SRRM3: variants seen among roughly 807,000 people sequenced by gnomAD.
The protein encoded by SRRM3 is serine/arginine repetitive matrix protein 3.
SRRM3 carries 27 observed loss-of-function variants against 66.2 expected under a neutral mutation model. The observed-to-expected ratio is 0.41, with a 90% CI of 0.30 to 0.56. The LOEUF (loss-of-function observed/expected upper bound fraction) is 0.56. SRRM3 is among the 20% of genes least tolerant of loss of function. The pLI is 0.32. For missense variants in SRRM3, 918 were observed against 991.9 expected (o/e 0.93, Z 1.00); for synonymous variants, 391 against 414.9 (o/e 0.94, Z 0.70).
intron 1 of SRRM3, among the ~76,000 whole-genome samples, chr7:76,206,562 G>A (rs1800306091): frequency 6.6e-6 from 1 of 152,168 alleles, no homozygotes. Context: ...GCGCAGGAGG[G>A]CGACATCTCC....
chr7:76,238,756 G>T (rs1186960609), intron 2 of SRRM3, among the ~76,000 whole-genome samples: 1 of 152,200 alleles, frequency 6.6e-6, no homozygotes, highest in Non-Finnish European at 1.5e-5. Flanking sequence ...TGCCTCCTGG[G>T]TTCAAGTGAT....
At position 76,285,306 on chromosome 7, in the gene SRRM3, C is replaced by A; in HGVS notation, c.1734-309C>A. On this transcript the variant is annotated intron_variant, in intron 14 of 14. Coordinates refer to ENST00000611745, the MANE Select transcript of SRRM3 (RefSeq NM_001110199.3). The surrounding 1 kb of genome is among the most constrained non-coding windows in gnomAD (Gnocchi z 4.1). ...CTCAAACTTCTGACCTCAAGTGATC[C>A]GCCCGCCTCAGCCTCCCAAAGTGCT... The A allele has an allele frequency of 2.9e-6, 1 of 349,938 alleles. No homozygotes were observed. The allele number at this position is 349,938 out of a possible 1,614,324, so 21.7% of individuals were successfully genotyped here.
At chr7:76,262,285 C>T (rs969935425) in intron 8 of SRRM3, among the ~76,000 whole-genome samples, 2 of 152,016 alleles carry the variant, frequency 1.3e-5, no homozygotes, top group Non-Finnish European at 2.9e-5. Context: ...GCAGGTGGAT[C>T]GCTTGAGGCC....
intron 10 of SRRM3, among the ~76,000 whole-genome samples, chr7:76,266,832 C>G (rs1362607292): frequency 6.6e-6 from 1 of 150,920 alleles, no homozygotes; most frequent in Non-Finnish European, 1.5e-5. Flanking sequence ...ACCACCATGC[C>G]CGACTAATTT....
chr7:76,221,359 C>CTTTTTTTTTT (rs781915041), intron 1 of SRRM3, among the ~76,000 whole-genome samples: 1,112 of 95,310 alleles, frequency 0.012, 180 homozygotes, highest in East Asian at 0.045. Context: ...CTGCCCTCCT[C>CTTTTTTTTTT]TTTTTTTTTT....
chr7:76,229,291 A>T (rs1036129288), intron 1 of SRRM3, among the ~76,000 whole-genome samples: 1 of 152,196 alleles, frequency 6.6e-6, no homozygotes, highest in Admixed American at 6.6e-5. Context: ...CAGATAAACA[A>T]CGGATAATTT....
At chr7:76,277,451 T>C (rs996601083) in intron 11 of SRRM3, among the ~76,000 whole-genome samples, 4 of 151,948 alleles carry the variant, frequency 2.6e-5, no homozygotes, top group Admixed American at 2.0e-4. Flanking sequence ...TCCAGCACTT[T>C]AGGAGGCCAA....
In SRRM3 at chr7:76,260,017, C is replaced by T. The variant is rs1210991329; in HGVS notation, c.447C>T (p.Arg149=). ...VDCDCPASCY[R]GHRGYRTKHW... Reference sequence around the variant, plus strand: ...GTGACTGCCCGGCCTCCTGCTACCGCGGCCACCGCGGGTACAGGTCAGCGG... The same window carrying T: ...GTGACTGCCCGGCCTCCTGCTACCGTGGCCACCGCGGGTACAGGTCAGCGG... Residue 149 remains arginine (R), a synonymous_variant, in exon 4 of 15, where the codon CGC becomes CGT. Transcript: ENST00000611745. 1 of 1,569,658 alleles carries T rather than the reference C, an allele frequency of 6.4e-7. No homozygotes were observed. The highest frequency in any genetic ancestry group is 2.3e-5 in the East Asian group (1 of 42,986).
intron 1 of SRRM3, among the ~76,000 whole-genome samples, chr7:76,217,711 T>C (rs1231683678): frequency 6.6e-6 from 1 of 152,208 alleles, no homozygotes; most frequent in African/African-American, 2.4e-5. Context: ...CTAGGCAGTA[T>C]GGCTTGCCCA....
chr7:76,215,572 T>TTTA (rs1583870105), intron 1 of SRRM3, among the ~76,000 whole-genome samples: 4 of 150,748 alleles, frequency 2.7e-5, no homozygotes, highest in Admixed American at 2.6e-4. Context: ...GGCTAATTTT[T>TTTA]TTATTATTAT....
intron 2 of SRRM3, among the ~76,000 whole-genome samples, chr7:76,241,183 C>A (rs976578593): frequency 1.3e-5 from 2 of 152,214 alleles, no homozygotes; most frequent in Non-Finnish European, 2.9e-5. Flanking sequence ...AGGCATAAGC[C>A]ACTGTGCCCG....
intron 4 of SRRM3, 22 bp downstream of exon 4, chr7:76,260,056 G>A: frequency 2.0e-6 from 3 of 1,484,276 alleles, no homozygotes; most frequent in Non-Finnish European, 2.7e-6. Flanking sequence ...CCGCGGCGGG[G>A]GTGGGGGGCG....
intron 1 of SRRM3, among the ~76,000 whole-genome samples, chr7:76,230,516 G>A (rs1187593270): frequency 2.0e-5 from 3 of 151,922 alleles, no homozygotes; most frequent in African/African-American, 7.3e-5. Flanking sequence ...TCTGGGCATG[G>A]TGGTGCACCT....
At chr7:76,210,414 G>A (rs1450204043) in intron 1 of SRRM3, among the ~76,000 whole-genome samples, 1 of 152,124 alleles carries the variant, frequency 6.6e-6, no homozygotes, top group Non-Finnish European at 1.5e-5. Flanking sequence ...TCTCTTCCCT[G>A]CCTCTCAAAT....
chr7:76,245,179 T>G (rs1278743053), intron 2 of SRRM3, among the ~76,000 whole-genome samples: 1 of 152,184 alleles, frequency 6.6e-6, no homozygotes, highest in Non-Finnish European at 1.5e-5. Flanking sequence ...TGAAAGTTAA[T>G]GTATGAGTCA....
Position 76,282,730 on chromosome 7 carries a change from G to T in SRRM3, c.1453G>T (p.Gly485Trp). 1 of 1,453,958 alleles carries T rather than the reference G, an allele frequency of 6.9e-7. No homozygotes were observed. Among genetic ancestry groups the T allele is most frequent in the Non-Finnish European group, 9.0e-7 (1 of 1,108,560 alleles). The allele number at this position is 1,453,958 out of a possible 1,614,324, so 90.1% of individuals were successfully genotyped here. ...GCACGGCCGGCGCGGCGGCCCAGAA[G>T]GGAAGAGCTCGTCGCGCAGCCCCGG... ...GAHGRRGGPE[G>W]KSSSRSPGPH... Residue 485 changes from glycine (G) to tryptophan (W), a missense_variant, in exon 13 of 15, where the codon GGG becomes TGG. Physicochemically the swap from Gly to Trp is radical, Grantham distance 184 (BLOSUM62 -2). Transcript: ENST00000611745.
intron 3 of SRRM3, among the ~76,000 whole-genome samples, chr7:76,251,928 G>A (rs1309141687): frequency 6.6e-6 from 1 of 152,064 alleles, no homozygotes; most frequent in Non-Finnish European, 1.5e-5. Flanking sequence ...AGCTGAGCAT[G>A]GTGGCACACG....
At chr7:76,206,319 T>C (rs1554601137) in intron 1 of SRRM3, among the ~76,000 whole-genome samples, 2 of 150,682 alleles carry the variant, frequency 1.3e-5, no homozygotes, top group Non-Finnish European at 3.0e-5. Context: ...GAAGGGAAGG[T>C]GTTTGGGGGG....
chr7:76,282,541 C>A, intron 12 of SRRM3, 107 bp from the exon 13 acceptor site: 1 of 595,778 alleles, frequency 1.7e-6, no homozygotes, highest in Non-Finnish European at 2.6e-6. Context: ...CCACAAACTA[C>A]ACGGACCCCG....
Sources: gnomAD v4.1 joint callset for allele counts (sites outside exome capture counted in the v4.1 genomes callset) on GRCh38, gnomAD v4.1.1 for gene constraint, Gnocchi (gnomAD v3.1) non-coding constraint, MANE v1.5 for transcripts, NCBI Gene and HGNC (gene_info 2026-07-23, HGNC 2026-07-21) for gene names.